ST6GALNAC3: variants seen among roughly 807,000 people sequenced by gnomAD.
The protein encoded by ST6GALNAC3 is ST6 N-acetylgalactosaminide alpha-2,6-sialyltransferase 3, also known as alpha-N-acetylgalactosaminide alpha-2,6-sialyltransferase 3.
Under a neutral mutation model 32.7 loss-of-function variants are expected in ST6GALNAC3, and 25 were observed. That is an observed-to-expected ratio of 0.76 (90% CI 0.56 to 1.07). The LOEUF (loss-of-function observed/expected upper bound fraction) is 1.07, where lower values mean the gene tolerates loss of function less well. Ranked by LOEUF, ST6GALNAC3 falls within the 50% of genes least tolerant of loss-of-function variation. The pLI, the probability that ST6GALNAC3 is intolerant of heterozygous loss-of-function variation, is 0.00. For missense variants in ST6GALNAC3, 355 were observed against 382.4 expected, an observed-to-expected ratio of 0.93 and a Z score of 0.60; for synonymous variants, 129 against 133.1, an observed-to-expected ratio of 0.97 and a Z score of 0.21.
At chr1:76,298,536 A>G (rs543217960) in intron 1 of ST6GALNAC3, among the ~76,000 whole-genome samples, 2 of 152,160 alleles carry the variant, frequency 1.3e-5, no homozygotes, top group South Asian at 4.1e-4. Context: ...GAACACCTGC[A>G]GTTTTTCCCT....
chr1:76,097,838 A>G (rs1329428183), intron 1 of ST6GALNAC3, among the ~76,000 whole-genome samples: 1 of 152,008 alleles, frequency 6.6e-6, no homozygotes, highest in Non-Finnish European at 1.5e-5. Context: ...ATGTGCATGC[A>G]TTTCTGTTGG....
chr1:76,309,158 A>G (rs944606724), intron 1 of ST6GALNAC3, among the ~76,000 whole-genome samples: 13 of 152,216 alleles, frequency 8.5e-5, no homozygotes, highest in African/African-American at 3.1e-4. Flanking sequence ...CACCCTGTGT[A>G]TACCCACATT....
intron 1 of ST6GALNAC3, among the ~76,000 whole-genome samples, chr1:76,150,548 A>T (rs1650974539): frequency 1.3e-5 from 2 of 152,032 alleles, no homozygotes; most frequent in African/African-American, 4.8e-5. Flanking sequence ...TCCCTTCATC[A>T]TGTCCTTCCC....
At chr1:76,407,977 A>G (rs1189291283) in intron 2 of ST6GALNAC3, among the ~76,000 whole-genome samples, 1 of 152,226 alleles carries the variant, frequency 6.6e-6, no homozygotes, top group East Asian at 1.9e-4. Flanking sequence ...AAAGCTAATA[A>G]GAAAAACTGA....
At chr1:76,192,151 G>T (rs924781680) in intron 1 of ST6GALNAC3, among the ~76,000 whole-genome samples, 4 of 152,164 alleles carry the variant, frequency 2.6e-5, no homozygotes, top group African/African-American at 4.8e-5. Context: ...TATAATTAAA[G>T]AAACTAATAT....
intron 2 of ST6GALNAC3, among the ~76,000 whole-genome samples, chr1:76,345,973 C>T (rs1012291091): frequency 6.6e-5 from 10 of 152,114 alleles, no homozygotes; most frequent in African/African-American, 2.4e-4. Flanking sequence ...TCTTCCTTTG[C>T]TTCTTAAGCA....
chr1:76,227,785 A>G (rs940560783), intron 1 of ST6GALNAC3, among the ~76,000 whole-genome samples: 4 of 152,178 alleles, frequency 2.6e-5, no homozygotes, highest in Non-Finnish European at 5.9e-5. Flanking sequence ...AGCACCTACT[A>G]ACTCACTGGG....
At chr1:76,604,789 T>C (rs1022854190) in intron 3 of ST6GALNAC3, among the ~76,000 whole-genome samples, 1 of 152,228 alleles carries the variant, frequency 6.6e-6, no homozygotes, top group Non-Finnish European at 1.5e-5. Context: ...CATCATGGTG[T>C]CACCATCCCG....
At chr1:76,305,103 C>T (rs1209611317) in intron 1 of ST6GALNAC3, among the ~76,000 whole-genome samples, 1 of 151,990 alleles carries the variant, frequency 6.6e-6, no homozygotes, top group Admixed American at 6.6e-5. Context: ...GATTGGAGAA[C>T]ATTTCTTCCC....
chr1:76,490,185 C>A (rs771770795), intron 3 of ST6GALNAC3, among the ~76,000 whole-genome samples: 2 of 152,088 alleles, frequency 1.3e-5, no homozygotes, highest in Non-Finnish European at 2.9e-5. Flanking sequence ...GTCCCCTCTC[C>A]AGACCTGAGG....
intron 1 of ST6GALNAC3, among the ~76,000 whole-genome samples, chr1:76,166,757 T>C (rs1430596788): frequency 6.6e-6 from 1 of 152,168 alleles, no homozygotes; most frequent in Non-Finnish European, 1.5e-5. Context: ...TTATTATTTT[T>C]ATGGCAATTG....
At chr1:76,369,078 T>G (rs1280473125) in intron 2 of ST6GALNAC3, among the ~76,000 whole-genome samples, 1 of 152,182 alleles carries the variant, frequency 6.6e-6, no homozygotes, top group African/African-American at 2.4e-5. Context: ...CTTATTATCA[T>G]CCTAGAGCCC....
intron 2 of ST6GALNAC3, among the ~76,000 whole-genome samples, chr1:76,321,077 TC>T (rs1646959015): frequency 6.6e-6 from 1 of 151,978 alleles, no homozygotes; most frequent in Non-Finnish European, 1.5e-5. Context: ...AGGTGGCCCT[TC>T]CTTTTGACCA....
At chr1:76,154,833 C>T (rs1323617042) in intron 1 of ST6GALNAC3, among the ~76,000 whole-genome samples, 2 of 152,126 alleles carry the variant, frequency 1.3e-5, no homozygotes, top group Non-Finnish European at 2.9e-5. Context: ...ATTTCACCAG[C>T]TCAATACACC....
rs370568429 is a variant in ST6GALNAC3 at position 76,159,729 on chromosome 1, C to A, written c.18+84845C>A. Among the ~76,000 whole-genome samples, 24 of 152,294 alleles carry A rather than the reference C, an allele frequency of 1.6e-4. 1 individual carries two copies. Among genetic ancestry groups the A allele is most frequent in the African/African-American group, 5.5e-4 (23 of 41,564 alleles). On this transcript the variant is annotated intron_variant, in intron 1 of 4. Transcript: ENST00000328299. ...GACATGAAAACAACTAAGTATAACA[C>A]AACATAATGTCTGAAAGATAAAAAC...
At chr1:76,636,654 CTT>C (rs1649513216), downstream of ST6GALNAC3, among the ~76,000 whole-genome samples, 3 of 152,120 alleles carry the variant, frequency 2.0e-5, no homozygotes, top group South Asian at 6.2e-4. Flanking sequence ...ACTTTCTACT[CTT>C]TGACTTCATT....
chr1:76,456,454 C>T (rs1373711768), intron 3 of ST6GALNAC3, among the ~76,000 whole-genome samples: 2 of 152,048 alleles, frequency 1.3e-5, no homozygotes, highest in Non-Finnish European at 2.9e-5. Context: ...TCAAGCAATT[C>T]TGCCTCAGTG....
chr1:76,099,148 CTG>C (rs1215258489), intron 1 of ST6GALNAC3, among the ~76,000 whole-genome samples: 2 of 152,222 alleles, frequency 1.3e-5, no homozygotes, highest in East Asian at 3.9e-4. Flanking sequence ...CAATGTCACA[CTG>C]TAGTTTTTTA....
intron 3 of ST6GALNAC3, among the ~76,000 whole-genome samples, chr1:76,542,104 A>C (rs1557549975): frequency 6.6e-6 from 1 of 152,214 alleles, no homozygotes; most frequent in Non-Finnish European, 1.5e-5. Context: ...TCTCCAAATG[A>C]ATAGAAGAAA....
Sources: gnomAD v4.1 joint callset for allele counts (sites outside exome capture counted in the v4.1 genomes callset) on GRCh38, gnomAD v4.1.1 for gene constraint, MANE v1.5 for transcripts, NCBI Gene and HGNC (gene_info 2026-07-23, HGNC 2026-07-21) for gene names.